The following ARNT variants were observed in gnomAD, a reference collection of about 807,000 sequenced individuals.
The protein encoded by ARNT is aryl hydrocarbon receptor nuclear translocator, also known as class E basic helix-loop-helix protein 2.
In ARNT, 30 loss-of-function variants were observed where a neutral mutation model predicts 105.0. That is an observed-to-expected ratio of 0.29 (90% CI 0.21 to 0.39). The LOEUF (loss-of-function observed/expected upper bound fraction) is 0.39. Among genes scored for constraint, ARNT ranks in the 10% least tolerant of loss-of-function variants. The probability of loss-of-function intolerance (pLI) is 1.00; values close to 1 mark genes in which losing one functional copy is unlikely to be tolerated. For synonymous variants in ARNT, 304 were observed against 344.0 expected, an observed-to-expected ratio of 0.88 and a Z score of 1.29; for missense variants, 748 against 978.7, an observed-to-expected ratio of 0.76 and a Z score of 3.15.
chr1:150,850,021 C>T (rs891025159), intron 3 of ARNT, among the ~76,000 whole-genome samples: 3 of 152,158 alleles, frequency 2.0e-5, no homozygotes, highest in Non-Finnish European at 4.4e-5. Flanking sequence ...CACTGCACTC[C>T]AGCCTGGGCA....
intron 4 of ARNT, 84 bp from the exon 5 acceptor site, chr1:150,842,552 G>A (rs970783728): frequency 2.9e-5 from 34 of 1,169,376 alleles, no homozygotes; most frequent in Non-Finnish European, 4.0e-5. Context: ...AAAAAAGGAA[G>A]GAGGGAGGGA....
intron 2 of ARNT, among the ~76,000 whole-genome samples, chr1:150,856,507 A>G (rs935723510): frequency 1.4e-4 from 21 of 152,192 alleles, no homozygotes; most frequent in Non-Finnish European, 2.5e-4. Flanking sequence ...TCATGCCTGT[A>G]ATCCCAGCAC....
At position 150,816,387 on chromosome 1, in the gene ARNT, G is replaced by C; in HGVS notation, c.1822C>G (p.Pro608Ala). The C allele has an allele frequency of 5.0e-6, 8 of 1,606,700 alleles. No individual in the cohort carries two copies. The highest frequency in any genetic ancestry group is 6.8e-6 in the Non-Finnish European group (8 of 1,177,988). ...GCTGATGGCTGGACAATGGTTACAG[G>C]AGGGGCTAGGCCACTATTCCTAGGA... ...ENFRNSGLAP[P>A]VTIVQPSASA... Residue 608 changes from proline (P) to alanine (A), a missense_variant, in exon 19 of 22, where the codon CCT (proline) becomes GCT (alanine). By Grantham distance (27) the Pro-to-Ala change is conservative. Around this residue, in one of 4 missense-constraint regions of ARNT, gnomAD observed 360 missense variants for 411.9 expected, o/e 0.87. Coordinates refer to ENST00000358595, the MANE Select transcript of ARNT (RefSeq NM_001668.4).
At chr1:150,844,985 T>G (rs1038577951) in intron 4 of ARNT, among the ~76,000 whole-genome samples, 6 of 152,060 alleles carry the variant, frequency 3.9e-5, no homozygotes, top group Non-Finnish European at 7.4e-5. Flanking sequence ...AATTTTTATA[T>G]TTTTAGTAGA....
At chr1:150,870,431 A>G (rs1667248054) in intron 1 of ARNT, among the ~76,000 whole-genome samples, 1 of 152,166 alleles carries the variant, frequency 6.6e-6, no homozygotes, top group Admixed American at 6.6e-5. Context: ...CACTGTAAGC[A>G]CTGCAATGCT....
chr1:150,839,440 C>A lies in ARNT; in HGVS notation c.486+1G>T. The A allele has an allele frequency of 1.2e-6, 2 of 1,614,130 alleles. No individual in the cohort carries two copies. The highest frequency in any genetic ancestry group is 1.7e-6 in the Non-Finnish European group (2 of 1,180,004). Reference sequence around the variant, plus strand: ...CTCTCAGAACTATAAGTCCCAGAGACCTGATCAGTGAGGAAAGACGGCTTA... The same window carrying A: ...CTCTCAGAACTATAAGTCCCAGAGAACTGATCAGTGAGGAAAGACGGCTTA... On this transcript the variant is annotated splice_donor_variant, in intron 6 of 21. Coordinates refer to ENST00000358595, the MANE Select transcript of ARNT (RefSeq NM_001668.4). LOFTEE classifies it high-confidence loss of function.
At chr1:150,850,046 T>C (rs932048946) in intron 3 of ARNT, among the ~76,000 whole-genome samples, 3 of 152,134 alleles carry the variant, frequency 2.0e-5, no homozygotes, top group Non-Finnish European at 2.9e-5. Flanking sequence ...AGGAAGACTC[T>C]GTCTCAAAAA....
chr1:150,862,995 G>A (rs1417532473), intron 1 of ARNT, among the ~76,000 whole-genome samples: 1 of 149,356 alleles, frequency 6.7e-6, no homozygotes, highest in Non-Finnish European at 1.5e-5. Flanking sequence ...AGGTTGCAAT[G>A]AGCCAAGATC....
chr1:150,825,464 TA>T (rs1387823266), intron 13 of ARNT, among the ~76,000 whole-genome samples: 2 of 152,220 alleles, frequency 1.3e-5, no homozygotes, highest in Admixed American at 6.5e-5. Flanking sequence ...GCCATGTCTA[TA>T]AAATTCACCA....
chr1:150,816,714 G>C, intron 18 of ARNT, 74 bp downstream of exon 18: 1 of 1,447,038 alleles, frequency 6.9e-7, no homozygotes, highest in South Asian at 1.4e-5. Flanking sequence ...AGAAAGCAAG[G>C]GAAGAATAAA....
At chr1:150,835,794 G>A (rs1660212508) in intron 7 of ARNT, among the ~76,000 whole-genome samples, 2 of 148,390 alleles carry the variant, frequency 1.3e-5, no homozygotes, top group Admixed American at 1.4e-4. Context: ...AATAAAATAG[G>A]GGAGAAAAAA....
intron 11 of ARNT, 130 bp from the exon 12 acceptor site, chr1:150,829,357 T>C: frequency 9.9e-7 from 1 of 1,008,136 alleles, no homozygotes; most frequent in Non-Finnish European, 1.4e-6. Flanking sequence ...TCACATTTTA[T>C]CCAAAAAGGA....
chr1:150,833,758 A>G (rs1200051780), intron 8 of ARNT, among the ~76,000 whole-genome samples: 2 of 151,912 alleles, frequency 1.3e-5, no homozygotes, highest in Non-Finnish European at 2.9e-5. Flanking sequence ...ACTGAAAGAC[A>G]TAGGAAGTCT....
At chr1:150,875,270 T>G (rs1668079322) in intron 1 of ARNT, among the ~76,000 whole-genome samples, 1 of 152,048 alleles carries the variant, frequency 6.6e-6, no homozygotes, top group African/African-American at 2.4e-5. Context: ...AAAAAAAATT[T>G]AAAAGATTAA....
At chr1:150,845,804 A>G (rs1662097127) in intron 4 of ARNT, among the ~76,000 whole-genome samples, 1 of 152,180 alleles carries the variant, frequency 6.6e-6, no homozygotes. Flanking sequence ...CAGGAGGCTG[A>G]GGCAGGAGAA....
At position 150,834,660 on chromosome 1, in the gene ARNT, G is replaced by A. The variant is rs1033801949; in HGVS notation, c.701-20C>T. 1 of 1,608,004 alleles carries A rather than the reference G, an allele frequency of 6.2e-7. No homozygotes were observed. Among genetic ancestry groups the A allele is most frequent in the African/African-American group, 1.3e-5 (1 of 74,902 alleles). On this transcript the variant is annotated intron_variant, in intron 7 of 21. Coordinates refer to ENST00000358595, the MANE Select transcript of ARNT (RefSeq NM_001668.4). ...TACGCCCTGAAGGAAGATGTGAAGA[G>A]CAGTCTGGAGTGCATTTTTGTGTGT...
rs1664259758 is a variant in ARNT at position 150,854,740 on chromosome 1, C to T, written c.138-1934G>A. 6.6e-5 allele frequency among the ~76,000 whole-genome samples: 10 copies of T among 151,366 alleles called. No individual in the cohort carries two copies. In the South Asian group the frequency reaches 2.1e-3, roughly 32 times the overall value. Reference sequence around the variant, plus strand: ...GGTGTGGTGGCGGGCACCTGTAATCCCAGCTACTCGGGAGGCTGAGGCATG... The same window carrying T: ...GGTGTGGTGGCGGGCACCTGTAATCTCAGCTACTCGGGAGGCTGAGGCATG... On this transcript the variant is annotated intron_variant, in intron 2 of 21. Transcript: ENST00000358595.
chr1:150,854,252 A>C (rs895528772), intron 2 of ARNT, among the ~76,000 whole-genome samples: 8 of 152,006 alleles, frequency 5.3e-5, no homozygotes, highest in African/African-American at 1.9e-4. Flanking sequence ...CACTCAACTA[A>C]ATTTTTTTAT....
At chr1:150,867,872 G>A (rs1478434141) in intron 1 of ARNT, among the ~76,000 whole-genome samples, 1 of 152,084 alleles carries the variant, frequency 6.6e-6, no homozygotes, top group Non-Finnish European at 1.5e-5. Context: ...GTGAAGACAT[G>A]CTTGCTTCCC....
Sources: gnomAD v4.1 joint callset for allele counts (sites outside exome capture counted in the v4.1 genomes callset) on GRCh38, gnomAD v4.1.1 for gene constraint, gnomAD v4.1.1 regional missense constraint, MANE v1.5 for transcripts, NCBI Gene and HGNC (gene_info 2026-07-23, HGNC 2026-07-21) for gene names.